Variants in NFKBIE observed in about 807,000 individuals in gnomAD.
NFKBIE encodes NF-kappa-B inhibitor epsilon.
A neutral mutation model predicts 31.6 loss-of-function variants in NFKBIE; 11 were observed. That is an observed-to-expected ratio of 0.35 (90% CI 0.22 to 0.58). NFKBIE has a LOEUF of 0.58. Among genes scored for constraint, NFKBIE ranks in the 20% least tolerant of loss-of-function variants. NFKBIE has a pLI of 0.83. For synonymous variants in NFKBIE, 208 were observed against 210.1 expected, an observed-to-expected ratio of 0.99 and a Z score of 0.09; for missense variants, 354 against 465.7, an observed-to-expected ratio of 0.76 and a Z score of 2.21.
At position 44,261,438 on chromosome 6, in the gene NFKBIE, T is replaced by C. The variant is rs950706517; in HGVS notation, c.691+188A>G. Among the ~76,000 whole-genome samples the C allele has an allele frequency of 1.3e-5, 2 of 152,242 alleles. No homozygotes were observed. The highest frequency in any genetic ancestry group is 2.9e-5 in the Non-Finnish European group (2 of 68,048). On this transcript the variant is annotated intron_variant, in intron 3 of 5. Coordinates refer to ENST00000619360, the MANE Select transcript of NFKBIE (RefSeq NM_004556.3). The surrounding 1 kb of genome is among the most constrained non-coding windows in gnomAD (Gnocchi z 4.3). ...TTTCTTCTCAGCAGGCAGTAGGTAC[T>C]GGTTAAATTCGAAATCAAATCATCC...
At position 44,265,082 on chromosome 6, in the gene NFKBIE, C is replaced by T. The variant is rs970631698; in HGVS notation, c.265G>A (p.Glu89Lys). ...TYTLSLLGGP[E>K]AEDPAPRLPL... ...AGGCGTGGGGCCGGGTCCTCAGCCT[C>T]GGGGCCCCCCAGCAAGGACAGGGTG... The change falls in exon 1 of 6, where the codon GAG becomes AAG. Residue 89 changes from glutamate to lysine, a missense_variant. Glu to Lys is a moderately conservative substitution (Grantham distance 56, BLOSUM62 1). Coordinates refer to ENST00000619360, the MANE Select transcript of NFKBIE (RefSeq NM_004556.3). 1 of 1,560,584 alleles carries T rather than the reference C, an allele frequency of 6.4e-7. No individual in the cohort carries two copies.
In NFKBIE at chr6:44,265,220, C is replaced by A; in HGVS notation, c.127G>T (p.Gly43Cys). 6.4e-7 allele frequency: 1 copy of A among 1,552,136 alleles called. No individual in the cohort carries two copies. Among genetic ancestry groups the A allele is most frequent in the Non-Finnish European group, 8.7e-7 (1 of 1,147,300 alleles). ...TSAPASGPSD[G>C]SPQPCTHPPG... ...GGATGGGTGCAGGGCTGGGGGCTGCCGTCCGAGGGCCCGGAGGCTGGAGCC... is the reference window on the plus strand; with the variant it reads ...GGATGGGTGCAGGGCTGGGGGCTGCAGTCCGAGGGCCCGGAGGCTGGAGCC... The change falls in exon 1 of 6, where the codon GGC becomes TGC. Residue 43 changes from glycine (G) to cysteine (C), a missense_variant. Around this residue, in one of 2 missense-constraint regions of NFKBIE, gnomAD observed 171 missense variants for 155.1 expected, o/e 1.10. Transcript: ENST00000619360.
Position 44,258,214 on chromosome 6 carries a change from C to G in NFKBIE, c.*1005G>C, listed in dbSNP as rs1781745491. The stretch of plus-strand genomic sequence containing the variant: ...GGATGTTTATGCTTTTAACGGCTGT[C>G]TCTCTCACTGGATGAGACGCTCCAA... On this transcript the variant is annotated 3_prime_UTR_variant, in exon 6 of 6. Coordinates refer to ENST00000619360, the MANE Select transcript of NFKBIE (RefSeq NM_004556.3). 1 of 152,240 alleles carries G rather than the reference C, an allele frequency of 6.6e-6. No individual in the cohort carries two copies. Among genetic ancestry groups the G allele is most frequent in the South Asian group, 2.1e-4 (1 of 4,830 alleles). The allele number at this position is 152,240 out of a possible 1,614,324, so 9.4% of individuals were successfully genotyped here. A position where few individuals can be genotyped will look rare whatever the true frequency, so the allele number is the denominator to read the frequency against.
Position 44,258,976 on chromosome 6 carries a change from G to A in NFKBIE, c.*243C>T, listed in dbSNP as rs1781788619. 5.2e-6 allele frequency: 2 copies of A among 382,562 alleles called. No individual in the cohort carries two copies. Among genetic ancestry groups the A allele is most frequent in the East Asian group, 4.7e-5 (1 of 21,376 alleles). 23.7% of individuals were successfully genotyped at this position (382,562 alleles called of 1,614,324 possible). A position where few individuals can be genotyped will look rare whatever the true frequency, so the allele number is the denominator to read the frequency against. ...CAAACAGGCTTCACCCAGGATACCT[G>A]GGGCTTTGGGGGTCTTCCAAGAAGC... On this transcript the variant is annotated 3_prime_UTR_variant, in exon 6 of 6. Coordinates refer to ENST00000619360, the MANE Select transcript of NFKBIE (RefSeq NM_004556.3).
rs1436911299 is a variant in NFKBIE, at chr6:44,260,864, C to CAT, written c.692-326_692-325insAT. 5.6e-5 allele frequency among the ~76,000 whole-genome samples: 6 copies of CAT among 107,272 alleles called. No individual in the cohort carries two copies. The highest frequency in any genetic ancestry group is 2.7e-4 in the South Asian group (1 of 3,762). The allele number at this position is 107,272 out of a possible 152,430, so 70.4% of individuals were successfully genotyped here. A position where few individuals can be genotyped will look rare whatever the true frequency, so the allele number is the denominator to read the frequency against. On this transcript the variant is annotated intron_variant, in intron 3 of 5. Coordinates refer to ENST00000619360, the MANE Select transcript of NFKBIE (RefSeq NM_004556.3). The surrounding 1 kb of genome is among the most constrained non-coding windows in gnomAD (Gnocchi z 5.5). ...ACACACACACACACACATACAGACA[C>CAT]ACACACACACACACACACACACACA... is the stretch of plus-strand genomic sequence containing the variant.
rs1256003184 is a variant in NFKBIE at position 44,263,502 on chromosome 6, G to A, written c.366-840C>T. On this transcript the variant is annotated intron_variant, in intron 1 of 5. Coordinates refer to ENST00000619360, the MANE Select transcript of NFKBIE (RefSeq NM_004556.3). The surrounding 1 kb of genome is among the most constrained non-coding windows in gnomAD (Gnocchi z 5.0). ...TAAAAGGCCCGTCTGGGCTGGGGAG[G>A]GGGCTGCTTGGGCAGGAGGGTGGCA... Among the ~76,000 whole-genome samples the A allele has an allele frequency of 2.0e-5, 3 of 152,112 alleles. No individual in the cohort carries two copies. Among genetic ancestry groups the A allele is most frequent in the African/African-American group, 7.2e-5 (3 of 41,418 alleles).
chr6:44,262,728 G>A (rs1414585643), intron 1 of NFKBIE, 66 bp from the exon 2 acceptor site: 5 of 1,259,518 alleles, frequency 4.0e-6, no homozygotes, highest in Non-Finnish European at 5.8e-6. Context: ...TGGGGTCTTG[G>A]AGTTAGAAGG....
At position 44,261,766 on chromosome 6, in the gene NFKBIE, T is replaced by C. The variant is rs1442329810; in HGVS notation, c.551A>G (p.Gln184Arg). ...AAGGGCTGTGTCACCATGCCGGTCC[T>C]GTAGTGCCCGGCTGGCCCCCTTCAG... is the stretch of plus-strand genomic sequence containing the variant. ...LVLKGASRAL[Q>R]DRHGDTALHV... The change falls in exon 3 of 6, where the codon CAG becomes CGG. Residue 184 changes from glutamine (Q) to arginine (R), a missense_variant. By Grantham distance (43) the Gln-to-Arg change is conservative. Around this residue, in one of 2 missense-constraint regions of NFKBIE, gnomAD observed 183 missense variants for 310.6 expected, o/e 0.59. Coordinates refer to ENST00000619360, the MANE Select transcript of NFKBIE (RefSeq NM_004556.3). This position sits in a 1 kb window ranked among gnomAD's most constrained non-coding sequence, Gnocchi z 4.3. The C allele has an allele frequency of 1.2e-6, 2 of 1,613,938 alleles. No homozygotes were observed. Among genetic ancestry groups the C allele is most frequent in the South Asian group, 2.2e-5 (2 of 91,082 alleles).
In NFKBIE at chr6:44,260,227, C is replaced by T. The variant is rs144552073; in HGVS notation, c.836G>A (p.Gly279Asp). 2 of 1,613,738 alleles carry T rather than the reference C, an allele frequency of 1.2e-6. No individual in the cohort carries two copies. Among genetic ancestry groups the T allele is most frequent in the Non-Finnish European group, 1.7e-6 (2 of 1,179,638 alleles). ...LHLAVETQER[G>D]LVQFLLQAGA... ...AGCCTGGAGCAGGAACTGTACCAGG[C>T]CCCGCTCTTGGGTTTCCACAGCCAG... The change falls in exon 5 of 6, where the codon GGC becomes GAC. Residue 279 changes from glycine (G) to aspartate (D), a missense_variant. By Grantham distance (94) the Gly-to-Asp change is moderately conservative. Around this residue, in one of 2 missense-constraint regions of NFKBIE, gnomAD observed 183 missense variants for 310.6 expected, o/e 0.59. Coordinates refer to ENST00000619360, the MANE Select transcript of NFKBIE (RefSeq NM_004556.3). The surrounding 1 kb of genome is among the most constrained non-coding windows in gnomAD (Gnocchi z 5.5).
In NFKBIE at chr6:44,260,826, AACAC is replaced by A. The variant is rs369958691; in HGVS notation, c.692-291_692-288del. ...CACCCTCCTCCTATACACAAACTAC[AACAC>A]ACACACACACACACACACACACACA... On this transcript the variant is annotated intron_variant, in intron 3 of 5. Coordinates refer to ENST00000619360, the MANE Select transcript of NFKBIE (RefSeq NM_004556.3). The surrounding 1 kb of genome is among the most constrained non-coding windows in gnomAD (Gnocchi z 5.5). 6.0e-3 allele frequency among the ~76,000 whole-genome samples: 717 copies of A among 119,186 alleles called. 8 individuals are homozygous for A. Among genetic ancestry groups the A allele is most frequent in the African/African-American group, 0.019 (635 of 33,560 alleles). 78.2% of individuals were successfully genotyped at this position (119,186 alleles called of 152,430 possible).
In NFKBIE at chr6:44,265,352, C is replaced by T. The variant is rs1782086266; in HGVS notation, c.-6G>A. 6.4e-6 allele frequency: 10 copies of T among 1,557,508 alleles called. No homozygotes were observed. The highest frequency in any genetic ancestry group is 8.6e-6 in the Non-Finnish European group (10 of 1,157,564). ...CCCTTCCGCGCCTCCGACATGCCCGCGGCTCTGGCCGGCCGGGGCCCGGTC... is the reference window on the plus strand; with the variant it reads ...CCCTTCCGCGCCTCCGACATGCCCGTGGCTCTGGCCGGCCGGGGCCCGGTC... On this transcript the variant is annotated 5_prime_UTR_variant, in exon 1 of 6. Coordinates refer to ENST00000619360, the MANE Select transcript of NFKBIE (RefSeq NM_004556.3).
Position 44,260,866 on chromosome 6 carries a change from C to CACACATACAG in NFKBIE, c.692-328_692-327insCTGTATGTGT, listed in dbSNP as rs1554142193. Among the ~76,000 whole-genome samples the CACACATACAG allele has an allele frequency of 7.0e-6, 1 of 142,980 alleles. No homozygotes were observed. The highest frequency in any genetic ancestry group is 2.6e-5 in the African/African-American group (1 of 38,380). 93.8% of individuals were successfully genotyped at this position (142,980 alleles called of 152,430 possible). On this transcript the variant is annotated intron_variant, in intron 3 of 5. Coordinates refer to ENST00000619360, the MANE Select transcript of NFKBIE (RefSeq NM_004556.3). This position sits in a 1 kb window ranked among gnomAD's most constrained non-coding sequence, Gnocchi z 5.5. ...ACACACACACACACATACAGACACA[C>CACACATACAG]ACACACACACACACACACACACACA...
Position 44,260,629 on chromosome 6 carries a change from G to A in NFKBIE, c.692-90C>T. On this transcript the variant is annotated intron_variant, in intron 3 of 5. Transcript: ENST00000619360. This position sits in a 1 kb window ranked among gnomAD's most constrained non-coding sequence, Gnocchi z 5.5. ...GGACCTCCCTACCACTCAGCCCCAA[G>A]GGACTCACAGCCCACTCAATGTCTC... 2 of 1,198,946 alleles carry A rather than the reference G, an allele frequency of 1.7e-6. No individual in the cohort carries two copies. The highest frequency in any genetic ancestry group is 2.4e-5 in the East Asian group (1 of 42,272). 74.3% of individuals were successfully genotyped at this position (1,198,946 alleles called of 1,614,324 possible). A position where few individuals can be genotyped will look rare whatever the true frequency, so the allele number is the denominator to read the frequency against.
Position 44,265,337 on chromosome 6 carries a change from C to A in NFKBIE, c.10G>T (p.Ala4Ser), listed in dbSNP as rs1167696526. 1 of 1,555,364 alleles carries A rather than the reference C, an allele frequency of 6.4e-7. No homozygotes were observed. The change falls in exon 1 of 6, where the codon GCG (alanine) becomes TCG (serine). Residue 4 changes from alanine (A) to serine (S), a missense_variant. Ala to Ser is a moderately conservative substitution (Grantham distance 99). Transcript: ENST00000619360. The part of the protein sequence containing the change: MSE[A>S]RKGPDEAEES... ...TCCGCCTCGTCCGGCCCCTTCCGCG[C>A]CTCCGACATGCCCGCGGCTCTGGCC...
intron 1 of NFKBIE, 84 bp from the exon 2 acceptor site, chr6:44,262,746 C>G (rs1781967577): frequency 9.9e-7 from 1 of 1,009,006 alleles, no homozygotes; most frequent in African/African-American, 1.6e-5. Flanking sequence ...AGGAACACAT[C>G]AAACTTTAAC....
rs1781864941 is a variant in NFKBIE, at chr6:44,260,663, A to G, written c.692-124T>C. 1 of 906,084 alleles carries G rather than the reference A, an allele frequency of 1.1e-6. No homozygotes were observed. Among genetic ancestry groups the G allele is most frequent in the African/African-American group, 1.6e-5 (1 of 60,744 alleles). The allele number at this position is 906,084 out of a possible 1,614,324, so 56.1% of individuals were successfully genotyped here. A position where few individuals can be genotyped will look rare whatever the true frequency, so the allele number is the denominator to read the frequency against. Reference sequence around the variant, plus strand: ...AGCCCACTCAATGTCTCTAATCACAAGACTGTTAAAATGCAAACCCCAAAA... The same window carrying G: ...AGCCCACTCAATGTCTCTAATCACAGGACTGTTAAAATGCAAACCCCAAAA... On this transcript the variant is annotated intron_variant, in intron 3 of 5. Coordinates refer to ENST00000619360, the MANE Select transcript of NFKBIE (RefSeq NM_004556.3). The surrounding 1 kb of genome is among the most constrained non-coding windows in gnomAD (Gnocchi z 5.5).
chr6:44,265,282 G>C lies in NFKBIE; in HGVS notation c.65C>G (p.Ser22Cys), dbSNP rs1583010612. Reference protein sequence around the residue: ...EESQYDSGIESLRSLRSLPES... With the variant: ...EESQYDSGIECLRSLRSLPES... ...GGGTAGGGAGCGCAGAGAGCGCAGA[G>C]ACTCAATGCCAGAGTCGTACTGGCT... The change falls in exon 1 of 6, where the codon TCT becomes TGT. Residue 22 changes from serine (S) to cysteine (C), a missense_variant. Ser to Cys is a moderately radical substitution (Grantham distance 112). This residue lies in a region of NFKBIE where 171 missense variants were observed against 155.1 expected (regional missense o/e 1.10). Transcript: ENST00000619360. 7 of 1,550,710 alleles carry C rather than the reference G, an allele frequency of 4.5e-6. No homozygotes were observed. The highest frequency in any genetic ancestry group is 4.9e-5 in the East Asian group (2 of 41,084).
At position 44,260,136 on chromosome 6, in the gene NFKBIE, A is replaced by C; in HGVS notation, c.927T>G (p.Gly309=). The C allele has an allele frequency of 6.2e-7, 1 of 1,614,038 alleles. No individual in the cohort carries two copies. ...CTPLHLAAGR[G]LMGISSTLCK... Reference sequence around the variant, plus strand: ...ACAGAGTGGATGAGATGCCCATGAGACCCCGGCCAGCTGCCAGGTGCAGGG... The same window carrying C: ...ACAGAGTGGATGAGATGCCCATGAGCCCCCGGCCAGCTGCCAGGTGCAGGG... Residue 309 remains glycine, a synonymous_variant, in exon 5 of 6, where the codon GGT becomes GGG. Coordinates refer to ENST00000619360, the MANE Select transcript of NFKBIE (RefSeq NM_004556.3). The surrounding 1 kb of genome is among the most constrained non-coding windows in gnomAD (Gnocchi z 5.5).
chr6:44,264,000 C>G lies in NFKBIE; in HGVS notation c.365+982G>C, dbSNP rs966628962. Among the ~76,000 whole-genome samples the G allele has an allele frequency of 6.6e-6, 1 of 152,132 alleles. No individual in the cohort carries two copies. Among genetic ancestry groups the G allele is most frequent in the Non-Finnish European group, 1.5e-5 (1 of 68,022 alleles). On this transcript the variant is annotated intron_variant, in intron 1 of 5. Coordinates refer to ENST00000619360, the MANE Select transcript of NFKBIE (RefSeq NM_004556.3). This position sits in a 1 kb window ranked among gnomAD's most constrained non-coding sequence, Gnocchi z 5.0. ...GTACAGAAAGGACTGGGTCACTCCTCTCCCACCCACTGGGTCCACCAGCTG... is the reference window on the plus strand; with the variant it reads ...GTACAGAAAGGACTGGGTCACTCCTGTCCCACCCACTGGGTCCACCAGCTG...
Sources: allele counts gnomAD v4.1 joint callset (sites outside exome capture counted in the v4.1 genomes callset), GRCh38; gene constraint gnomAD v4.1.1; regional missense constraint gnomAD v4.1.1; non-coding constraint Gnocchi (gnomAD v3.1); transcripts MANE v1.5; gene names NCBI Gene and HGNC (gene_info 2026-07-23, HGNC 2026-07-21).